Variants in MLIP observed in about 807,000 individuals in gnomAD.
The protein encoded by MLIP is muscular LMNA-interacting protein.
Under a neutral mutation model 84.8 loss-of-function variants are expected in MLIP, and 79 were observed. The observed-to-expected ratio is 0.93, with a 90% CI of 0.78 to 1.12. The LOEUF (loss-of-function observed/expected upper bound fraction) is 1.12. Among genes scored for constraint, MLIP ranks in the 50% most tolerant of loss-of-function variants. The probability of loss-of-function intolerance (pLI) is 0.00; values close to 1 mark genes in which losing one functional copy is unlikely to be tolerated. For synonymous variants in MLIP, 504 were observed against 463.0 expected (o/e 1.09, Z -1.14); for missense variants, 1,257 against 1,160.6 (o/e 1.08, Z -1.21).
At chr6:54,216,115 C>A in intron 11 of MLIP, 1 of 975,202 alleles carries the variant, frequency 1.0e-6, no homozygotes. Flanking sequence ...AAGAATGATA[C>A]TGCAATGGTT....
At chr6:54,195,146 A>G (rs1182595697) in intron 10 of MLIP, among the ~76,000 whole-genome samples, 3 of 152,114 alleles carry the variant, frequency 2.0e-5, no homozygotes, top group African/African-American at 7.2e-5. Context: ...GAATGAAGAC[A>G]AAACTGCAGC....
chr6:54,233,099 C>A (rs1781118236), intron 12 of MLIP, among the ~76,000 whole-genome samples: 1 of 152,200 alleles, frequency 6.6e-6, no homozygotes, highest in Non-Finnish European at 1.5e-5. Flanking sequence ...TTCTTTTCAT[C>A]CTGGAATAAA....
intron 13 of MLIP, chr6:54,261,759 T>G: frequency 1.0e-6 from 1 of 984,168 alleles, no homozygotes; most frequent in Non-Finnish European, 1.2e-6. Flanking sequence ...CCACTCTCAT[T>G]TTCTGGTTTG....
intron 12 of MLIP, among the ~76,000 whole-genome samples, chr6:54,235,285 A>G (rs1325622265): frequency 6.6e-6 from 1 of 152,030 alleles, no homozygotes; most frequent in African/African-American, 2.4e-5. Flanking sequence ...GAAATTCCTT[A>G]CTGTTCTACT....
chr6:54,079,683 G>T (rs1460710781), intron 1 of MLIP: 1 of 152,082 alleles, frequency 6.6e-6, no homozygotes, highest in Non-Finnish European at 1.5e-5. Context: ...AGATAAATGA[G>T]CTTGATTCCT....
intron 12 of MLIP, among the ~76,000 whole-genome samples, chr6:54,254,789 C>A (rs187375370): frequency 0.013 from 1,867 of 147,550 alleles, 23 homozygotes; most frequent in African/African-American, 0.046. Context: ...CCCTTCCCCC[C>A]CCACTTTCCT....
At chr6:54,194,088 T>C (rs1778127387) in intron 10 of MLIP, among the ~76,000 whole-genome samples, 1 of 152,194 alleles carries the variant, frequency 6.6e-6, no homozygotes, top group Non-Finnish European at 1.5e-5. Context: ...CACATGGCTA[T>C]ATACAGGTAA....
chr6:54,110,047 A>G (rs1213319327), upstream of MLIP, among the ~76,000 whole-genome samples: 1 of 144,018 alleles, frequency 6.9e-6, no homozygotes, highest in African/African-American at 2.6e-5. Flanking sequence ...CAGTGGCGCG[A>G]TATTGGCTCA....
At chr6:54,142,400 C>T (rs1048376093) in intron 4 of MLIP, among the ~76,000 whole-genome samples, 1 of 152,112 alleles carries the variant, frequency 6.6e-6, no homozygotes, top group Non-Finnish European at 1.5e-5. Flanking sequence ...GATGGTGTCA[C>T]AAGTTATGTT....
chr6:54,176,799 C>T (rs1044059921), intron 9 of MLIP, among the ~76,000 whole-genome samples: 1 of 151,994 alleles, frequency 6.6e-6, no homozygotes, highest in African/African-American at 2.4e-5. Flanking sequence ...CTACTTCAAA[C>T]TATACTACAA....
At chr6:54,237,631 A>C (rs10456171) in intron 12 of MLIP, among the ~76,000 whole-genome samples, 20,171 of 150,600 alleles carry the variant, frequency 0.13, 1,542 homozygotes, top group African/African-American at 0.19. Context: ...GGATTGCTTA[A>C]GCCCAGGAGC....
At chr6:54,082,333 G>A (rs1336188958) in intron 1 of MLIP, among the ~76,000 whole-genome samples, 6 of 152,158 alleles carry the variant, frequency 3.9e-5, no homozygotes, top group African/African-American at 1.4e-4. Flanking sequence ...CTTGGGCTAG[G>A]TGCAGGAGTT....
chr6:54,258,714 TA>T (rs2150898625), intron 13 of MLIP, among the ~76,000 whole-genome samples: 1 of 152,196 alleles, frequency 6.6e-6, no homozygotes, highest in Non-Finnish European at 1.5e-5. Flanking sequence ...TTGTTTTACT[TA>T]ATTTTCATAA....
At chr6:54,206,775 T>C (rs1039783674) in intron 11 of MLIP, among the ~76,000 whole-genome samples, 15 of 152,186 alleles carry the variant, frequency 9.9e-5, no homozygotes, top group African/African-American at 3.1e-4. Context: ...TCAACTTCCC[T>C]TCTTTATGTC....
intron 1 of MLIP, chr6:54,046,553 G>A (rs1432774848): frequency 6.6e-6 from 1 of 151,892 alleles, no homozygotes; most frequent in Non-Finnish European, 1.5e-5. Context: ...ATATCTCCAT[G>A]GTTTTGTATT....
intron 11 of MLIP, chr6:54,216,244 A>G: frequency 1.0e-6 from 1 of 985,378 alleles, no homozygotes. Context: ...GGGTCAACTG[A>G]ATATATTGTC....
At chr6:54,094,995 A>G (rs560363907) in intron 1 of MLIP, among the ~76,000 whole-genome samples, 2 of 152,304 alleles carry the variant, frequency 1.3e-5, no homozygotes, top group Non-Finnish European at 2.9e-5. Context: ...ATGATTTACA[A>G]ATGAATTACA....
chr6:54,043,867 G>T (rs549885022), intron 1 of MLIP, among the ~76,000 whole-genome samples: 1 of 152,270 alleles, frequency 6.6e-6, no homozygotes, highest in Admixed American at 6.5e-5. Flanking sequence ...TGTGTGGAAT[G>T]GATGAGAATG....
At chr6:54,262,397 A>G (rs1783443533) in intron 13 of MLIP, among the ~76,000 whole-genome samples, 1 of 152,052 alleles carries the variant, frequency 6.6e-6, no homozygotes, top group African/African-American at 2.4e-5. Context: ...TCTCAAGATC[A>G]ACAATAATTA....
Sources: gnomAD v4.1 joint callset for allele counts (sites outside exome capture counted in the v4.1 genomes callset) on GRCh38, gnomAD v4.1.1 for gene constraint, MANE v1.5 for transcripts, NCBI Gene and HGNC (gene_info 2026-07-23, HGNC 2026-07-21) for gene names.